Variants in KDM5A observed in about 807,000 individuals in gnomAD.
KDM5A encodes lysine-specific demethylase 5A.
In KDM5A, 42 loss-of-function variants were observed where a neutral mutation model predicts 193.5. That is an observed-to-expected ratio of 0.22 (90% CI 0.17 to 0.28). The LOEUF (loss-of-function observed/expected upper bound fraction) is 0.28, where lower values mean the gene tolerates loss of function less well. Among genes scored for constraint, KDM5A ranks in the 10% least tolerant of loss-of-function variants. The pLI, the probability that KDM5A is intolerant of heterozygous loss-of-function variation, is 1.00. For missense variants in KDM5A, 1,692 were observed against 2,055.1 expected, an observed-to-expected ratio of 0.82 and a Z score of 3.42; for synonymous variants, 796 against 718.1, an observed-to-expected ratio of 1.11 and a Z score of -1.73.
At chr12:329,605 T>C (rs892943446) in intron 13 of KDM5A, among the ~76,000 whole-genome samples, 2 of 152,116 alleles carry the variant, frequency 1.3e-5, no homozygotes, top group African/African-American at 4.8e-5. Flanking sequence ...TTTTAGCATC[T>C]AGAAATTATT....
chr12:310,761 C>A, intron 21 of KDM5A, 124 bp downstream of exon 21: 1 of 1,096,362 alleles, frequency 9.1e-7, no homozygotes, highest in South Asian at 1.3e-5. Context: ...TTCAAGTCAA[C>A]ATCTGATATT....
chr12:341,550 A>T (rs1021241917), intron 10 of KDM5A, among the ~76,000 whole-genome samples: 1 of 152,212 alleles, frequency 6.6e-6, no homozygotes, highest in Non-Finnish European at 1.5e-5. Context: ...ACACAGCCAA[A>T]AAAACCAGAA....
chr12:383,749 T>C (rs541290166), intron 3 of KDM5A, among the ~76,000 whole-genome samples: 30 of 152,274 alleles, frequency 2.0e-4, no homozygotes, highest in Non-Finnish European at 3.1e-4. Flanking sequence ...GTGCATTTCA[T>C]TGTCCTTTTT....
At chr12:338,913 C>T (rs1008384889) in intron 10 of KDM5A, among the ~76,000 whole-genome samples, 1 of 152,180 alleles carries the variant, frequency 6.6e-6, no homozygotes, top group Non-Finnish European at 1.5e-5. Flanking sequence ...GGCGCAGTGG[C>T]TCACACCTAT....
intron 3 of KDM5A, among the ~76,000 whole-genome samples, chr12:378,039 CAT>C (rs1944529120): frequency 6.6e-6 from 1 of 152,116 alleles, no homozygotes; most frequent in Non-Finnish European, 1.5e-5. Context: ...GGATGACGGA[CAT>C]AAAGTATGGG....
At chr12:351,921 T>C (rs987937062) in intron 9 of KDM5A, among the ~76,000 whole-genome samples, 4 of 151,898 alleles carry the variant, frequency 2.6e-5, no homozygotes, top group African/African-American at 9.7e-5. Context: ...CTGACCAATA[T>C]GGTGAAACCC....
At chr12:295,250 G>GGAAAGGA (rs1229026716) in intron 26 of KDM5A, among the ~76,000 whole-genome samples, 1 of 150,258 alleles carries the variant, frequency 6.7e-6, no homozygotes, top group Admixed American at 6.6e-5. Context: ...AAAGGAAAGG[G>GGAAAGGA]GAAAGGAGAA....
chr12:317,241 C>T (rs1565531719), intron 19 of KDM5A, among the ~76,000 whole-genome samples: 1 of 152,164 alleles, frequency 6.6e-6, no homozygotes, highest in Non-Finnish European at 1.5e-5. Context: ...TTTCTGTCAC[C>T]TGAACACGCC....
chr12:312,966 T>C (rs1943607341), intron 20 of KDM5A, 90 bp downstream of exon 20: 2 of 1,369,074 alleles, frequency 1.5e-6, no homozygotes, highest in Non-Finnish European at 2.1e-6. Flanking sequence ...TGTATTATGA[T>C]TATTCTATTC....
intron 3 of KDM5A, among the ~76,000 whole-genome samples, chr12:369,613 A>T (rs1944400635): frequency 6.6e-6 from 1 of 152,206 alleles, no homozygotes; most frequent in Non-Finnish European, 1.5e-5. Context: ...CTAAGCAAAG[A>T]CTTGAAAGGA....
At chr12:324,829 C>T (rs552856486) in intron 14 of KDM5A, among the ~76,000 whole-genome samples, 37 of 151,522 alleles carry the variant, frequency 2.4e-4, no homozygotes, top group African/African-American at 8.0e-4. Flanking sequence ...GCTGAGATCA[C>T]GCCACTGCAC....
chr12:311,688 CAG>C (rs757379084), intron 20 of KDM5A, among the ~76,000 whole-genome samples: 5 of 151,970 alleles, frequency 3.3e-5, no homozygotes, highest in Non-Finnish European at 5.9e-5. Context: ...AGAAAAGAAA[CAG>C]GGGCAGCTAA....
At chr12:288,061 T>C (rs1172504986) in intron 27 of KDM5A, among the ~76,000 whole-genome samples, 1 of 152,194 alleles carries the variant, frequency 6.6e-6, no homozygotes, top group African/African-American at 2.4e-5. Context: ...TTTAGCCTGA[T>C]AATAGAACAA....
In KDM5A at chr12:357,601, G is replaced by A. The variant is rs144097301; in HGVS notation, c.673-1064C>T. Among the ~76,000 whole-genome samples the A allele has an allele frequency of 2.8e-3, 428 of 151,672 alleles. 2 individuals carry two copies. The highest frequency in any genetic ancestry group is 9.6e-3 in the African/African-American group (396 of 41,394). On this transcript the variant is annotated intron_variant, in intron 5 of 27. Coordinates refer to ENST00000399788, the MANE Select transcript of KDM5A (RefSeq NM_001042603.3). ...TCCCAGCACTTTGGGAGGCCGAGGCGGGCGGATCACAAGGTCAGGAGTTCT... is the reference window on the plus strand; with the variant it reads ...TCCCAGCACTTTGGGAGGCCGAGGCAGGCGGATCACAAGGTCAGGAGTTCT...
In KDM5A at chr12:307,072, G is replaced by T. The variant is rs776241009; in HGVS notation, c.3948C>A (p.Phe1316Leu). ...CCACCCGGTTAAAAGCAGACTGCTG[G>T]AAACTAGGTAAGTGTCCCTAAACAA... ...NPDLQGHLPS[F>L]QQSAFNRVVS... The change falls in exon 24 of 28, where the codon TTC becomes TTA. Residue 1316 changes from phenylalanine (F) to leucine (L), a missense_variant. Coordinates refer to ENST00000399788, the MANE Select transcript of KDM5A (RefSeq NM_001042603.3). This position sits in a 1 kb window ranked among gnomAD's most constrained non-coding sequence, Gnocchi z 4.3. 71 of 1,614,038 alleles carry T rather than the reference G, an allele frequency of 4.4e-5. No homozygotes were observed. Among genetic ancestry groups the T allele is most frequent in the Non-Finnish European group, 4.2e-5 (50 of 1,180,020 alleles).
Position 389,105 on chromosome 12 carries a change from G to A in KDM5A, c.-14C>T, listed in dbSNP as rs778746087. The A allele has an allele frequency of 1.1e-5, 9 of 786,078 alleles. No homozygotes were observed. Among genetic ancestry groups the A allele is most frequent in the Non-Finnish European group, 1.5e-5 (9 of 602,672 alleles). 48.7% of individuals were successfully genotyped at this position (786,078 alleles called of 1,614,324 possible). On this transcript the variant is annotated 5_prime_UTR_variant, in exon 1 of 28. Coordinates refer to ENST00000399788, the MANE Select transcript of KDM5A (RefSeq NM_001042603.3). ...CACGCCCGCCATTGCAACGGCCGGGGGGGGGGGGGGGTCCCCGTGGGGAAC... is the reference window on the plus strand; with the variant it reads ...CACGCCCGCCATTGCAACGGCCGGGAGGGGGGGGGGGTCCCCGTGGGGAAC...
chr12:350,291 C>G (rs1304111768), intron 10 of KDM5A, among the ~76,000 whole-genome samples: 1 of 151,846 alleles, frequency 6.6e-6, no homozygotes, highest in Non-Finnish European at 1.5e-5. Context: ...CAAAAATTAG[C>G]CGGGCATAAT....
At chr12:374,843 G>A (rs1256737816) in intron 3 of KDM5A, among the ~76,000 whole-genome samples, 2 of 152,044 alleles carry the variant, frequency 1.3e-5, no homozygotes, top group African/African-American at 4.8e-5. Flanking sequence ...AGCTTAGTTT[G>A]GCTGGATATG....
rs1301152708 is a variant in KDM5A at position 282,725 on chromosome 12, G to T, written c.*2731C>A. 4.3e-6 allele frequency: 1 copy of T among 232,688 alleles called. No individual in the cohort carries two copies. Among genetic ancestry groups the T allele is most frequent in the Non-Finnish European group, 8.5e-6 (1 of 117,826 alleles). The allele number at this position is 232,688 out of a possible 1,614,324, so 14.4% of individuals were successfully genotyped here. The stretch of plus-strand genomic sequence containing the variant: ...GAATTGCAACTTCAGTTGCAGTTTA[G>T]AGGAGATAAGGGTAGAAAGACATTT... On this transcript the variant is annotated 3_prime_UTR_variant, in exon 28 of 28. Coordinates refer to ENST00000399788, the MANE Select transcript of KDM5A (RefSeq NM_001042603.3).
Sources: allele counts gnomAD v4.1 joint callset (sites outside exome capture counted in the v4.1 genomes callset), GRCh38; gene constraint gnomAD v4.1.1; non-coding constraint Gnocchi (gnomAD v3.1); transcripts MANE v1.5; gene names NCBI Gene and HGNC (gene_info 2026-07-23, HGNC 2026-07-21).